The following SECISBP2L variants were observed in gnomAD, a reference collection of about 807,000 sequenced individuals.
The protein encoded by SECISBP2L is selenocysteine insertion sequence-binding protein 2-like.
In SECISBP2L, 43 loss-of-function variants were observed where a neutral mutation model predicts 114.7. The ratio of observed to expected loss-of-function variants is 0.38; its 90% CI spans 0.29 to 0.48. The LOEUF (loss-of-function observed/expected upper bound fraction) is 0.48. SECISBP2L is among the 20% of genes least tolerant of loss of function. The probability of loss-of-function intolerance (pLI) is 0.98; values close to 1 mark genes in which losing one functional copy is unlikely to be tolerated. For synonymous variants in SECISBP2L, 451 were observed against 439.7 expected (o/e 1.03, Z -0.32); for missense variants, 1,136 against 1,301.1 (o/e 0.87, Z 1.95).
chr15:48,995,219 G>A (rs186158840), intron 17 of SECISBP2L, among the ~76,000 whole-genome samples: 5 of 152,224 alleles, frequency 3.3e-5, no homozygotes, highest in African/African-American at 1.2e-4. Context: ...TTTGAGATGC[G>A]GCATTTCACT....
chr15:48,990,765 ACC>A lies in SECISBP2L; in HGVS notation c.*1477_*1478del, dbSNP rs1901957108. 6.8e-6 allele frequency: 1 copy of A among 147,904 alleles called. No homozygotes were observed. The highest frequency in any genetic ancestry group is 2.5e-5 in the African/African-American group (1 of 40,210). The allele number at this position is 147,904 out of a possible 1,614,324, so 9.2% of individuals were successfully genotyped here. ...CCCAGATAATCAGGGCAGGGATAAT[ACC>A]CCTTCCTTCTCAGTTTTGTGCCTGC... On this transcript the variant is annotated 3_prime_UTR_variant, in exon 18 of 18. Transcript: ENST00000559471.
chr15:49,027,610 ATTT>A, intron 6 of SECISBP2L, 130 bp from the exon 7 acceptor site: 47 of 358,380 alleles, frequency 1.3e-4, no homozygotes, highest in South Asian at 3.2e-4. Flanking sequence ...AAACCTTATT[ATTT>A]TTTTTTTTTT....
intron 14 of SECISBP2L, among the ~76,000 whole-genome samples, chr15:49,005,691 C>A (rs865864653): frequency 1.3e-5 from 2 of 148,324 alleles, no homozygotes; most frequent in South Asian, 4.3e-4. Flanking sequence ...ACCAATGGGT[C>A]TTGACTCTTT....
chr15:49,027,577 TG>T (rs1902770694), intron 6 of SECISBP2L, 97 bp from the exon 7 acceptor site: 1 of 643,896 alleles, frequency 1.6e-6, no homozygotes, highest in African/African-American at 1.9e-5. Flanking sequence ...TCACTAGAAA[TG>T]TAATAGTGAA....
Position 48,992,718 on chromosome 15 carries a change from C to T in SECISBP2L, c.2832G>A (p.Glu944=), listed in dbSNP as rs762968155. 2 of 1,614,202 alleles carry T rather than the reference C, an allele frequency of 1.2e-6. No homozygotes were observed. Among genetic ancestry groups the T allele is most frequent in the Non-Finnish European group, 1.7e-6 (2 of 1,180,036 alleles). The stretch of plus-strand genomic sequence containing the variant: ...ATTCCAGGTCATCTGGCTTCACTTC[C>T]TCTTTATCACTTGCTGTGGATTTCC... ...SAGKSTASDK[E]EVKPDDLEWA... The change falls in exon 18 of 18, where the codon GAG becomes GAA. Residue 944 remains glutamate (E), a synonymous_variant. Transcript: ENST00000559471.
rs915577899 is a variant in SECISBP2L at position 48,989,747 on chromosome 15, G to A, written c.*2497C>T. On this transcript the variant is annotated 3_prime_UTR_variant, in exon 18 of 18. Transcript: ENST00000559471. ...TATGTTTTTTATTTCTTGTGATGAT[G>A]AACCAACCCTTACTCTTCCCACTGG... 6.6e-6 allele frequency: 1 copy of A among 152,124 alleles called. No homozygotes were observed. The highest frequency in any genetic ancestry group is 2.4e-5 in the African/African-American group (1 of 41,406). The allele number at this position is 152,124 out of a possible 1,614,324, so 9.4% of individuals were successfully genotyped here.
chr15:49,031,543 G>A (rs1902889484), intron 4 of SECISBP2L, among the ~76,000 whole-genome samples: 1 of 152,016 alleles, frequency 6.6e-6, no homozygotes, highest in Non-Finnish European at 1.5e-5. Flanking sequence ...ATGAGCTTGT[G>A]TTCAAATGTA....
At chr15:49,002,478 G>T (rs1015817221) in intron 14 of SECISBP2L, among the ~76,000 whole-genome samples, 1 of 152,022 alleles carries the variant, frequency 6.6e-6, no homozygotes, top group South Asian at 2.1e-4. Context: ...GTCAATTTTG[G>T]CTTTTGTTGC....
chr15:49,009,519 T>C, intron 13 of SECISBP2L, 141 bp from the exon 14 acceptor site: 1 of 706,002 alleles, frequency 1.4e-6, no homozygotes, highest in Non-Finnish European at 2.3e-6. Flanking sequence ...TGGGCATTTT[T>C]CATATCACAA....
chr15:49,023,979 T>C (rs1032387880), intron 7 of SECISBP2L, among the ~76,000 whole-genome samples: 2 of 152,162 alleles, frequency 1.3e-5, no homozygotes, highest in Non-Finnish European at 2.9e-5. Context: ...AAAATCTCTT[T>C]TACTTTTCAA....
chr15:49,017,772 T>A (rs546574374), intron 8 of SECISBP2L, 144 bp from the exon 9 acceptor site: 1 of 544,410 alleles, frequency 1.8e-6, no homozygotes, highest in Admixed American at 4.0e-5. Flanking sequence ...AGAGGAAATG[T>A]CATTTCTCAC....
intron 2 of SECISBP2L, among the ~76,000 whole-genome samples, chr15:49,036,603 A>C (rs1373953811): frequency 6.6e-6 from 1 of 152,254 alleles, no homozygotes; most frequent in Non-Finnish European, 1.5e-5. Flanking sequence ...ATCAGTTTGC[A>C]CATTATCCAA....
intron 14 of SECISBP2L, among the ~76,000 whole-genome samples, chr15:49,003,842 A>G (rs1902260713): frequency 6.6e-6 from 1 of 152,226 alleles, no homozygotes; most frequent in Admixed American, 6.5e-5. Flanking sequence ...TCGGTTTGCC[A>G]GTATTTTATT....
chr15:49,021,095 A>G (rs1902632699), intron 7 of SECISBP2L, among the ~76,000 whole-genome samples: 1 of 152,094 alleles, frequency 6.6e-6, no homozygotes, highest in African/African-American at 2.4e-5. Context: ...CAGAGCCATC[A>G]CAAATGGGAT....
rs999791334 is a variant in SECISBP2L at position 48,990,336 on chromosome 15, A to G, written c.*1908T>C. 2 of 152,556 alleles carry G rather than the reference A, an allele frequency of 1.3e-5. No individual in the cohort carries two copies. The highest frequency in any genetic ancestry group is 4.8e-5 in the African/African-American group (2 of 41,454). The allele number at this position is 152,556 out of a possible 1,614,324, so 9.5% of individuals were successfully genotyped here. On this transcript the variant is annotated 3_prime_UTR_variant, in exon 18 of 18. Transcript: ENST00000559471. The stretch of plus-strand genomic sequence containing the variant: ...AGACTGTCAGTAGTTCAAAACCTCT[A>G]TCATTTCTTTAAACCAACGAACACT...
At chr15:48,994,116 A>AC (rs1418711044) in intron 17 of SECISBP2L, among the ~76,000 whole-genome samples, 5 of 152,062 alleles carry the variant, frequency 3.3e-5, no homozygotes, top group Non-Finnish European at 7.4e-5. Flanking sequence ...CTTATGAAAA[A>AC]AAAAAAATCA....
rs749843326 is a variant in SECISBP2L, at chr15:48,992,324, G to A, written c.3226C>T (p.Pro1076Ser). The A allele has an allele frequency of 2.5e-6, 4 of 1,614,120 alleles. No individual in the cohort carries two copies. The East Asian group carries it at 6.7e-5, about 27-fold the overall frequency. The stretch of plus-strand genomic sequence containing the variant: ...CAGTTGCTGGACTTCTGCTGCCCAG[G>A]ACTGGCCTGCTGGTCAGCAGTCCAT... ...EAWTADQQAS[P>S]GQQKSSNCSS... The change falls in exon 18 of 18, where the codon CCT becomes TCT. Residue 1076 changes from proline to serine, a missense_variant. By Grantham distance (74) the Pro-to-Ser change is moderately conservative. Around this residue, in one of 2 missense-constraint regions of SECISBP2L, gnomAD observed 684 missense variants for 848.7 expected, o/e 0.81. Coordinates refer to ENST00000559471, the MANE Select transcript of SECISBP2L (RefSeq NM_001193489.2).
intron 1 of SECISBP2L, among the ~76,000 whole-genome samples, chr15:49,040,016 C>T (rs1030546076): frequency 1.3e-5 from 2 of 152,060 alleles, no homozygotes; most frequent in Non-Finnish European, 2.9e-5. Flanking sequence ...ACCTCTCCCC[C>T]CAAAACATAT....
chr15:49,027,701 C>T (rs563538399), intron 6 of SECISBP2L, among the ~76,000 whole-genome samples: 7 of 151,802 alleles, frequency 4.6e-5, no homozygotes, highest in African/African-American at 1.7e-4. Context: ...CTCCGCCTCC[C>T]GGGTTCAAGC....
Sources: gnomAD v4.1 joint callset for allele counts (sites outside exome capture counted in the v4.1 genomes callset) on GRCh38, gnomAD v4.1.1 for gene constraint, gnomAD v4.1.1 regional missense constraint, MANE v1.5 for transcripts, NCBI Gene and HGNC (gene_info 2026-07-23, HGNC 2026-07-21) for gene names.